NDE1: variants seen among roughly 807,000 people sequenced by gnomAD.
NDE1 encodes nudE neurodevelopment protein 1, also known as nuclear distribution protein nudE homolog 1.
In NDE1, 28 loss-of-function variants were observed where a neutral mutation model predicts 43.4. The observed-to-expected ratio is 0.65, with a 90% CI of 0.48 to 0.89. The LOEUF (loss-of-function observed/expected upper bound fraction) is 0.89. Among genes scored for constraint, NDE1 ranks in the 40% least tolerant of loss-of-function variants. NDE1 has a pLI of 0.00. For missense variants in NDE1, 441 were observed against 434.1 expected (o/e 1.02, Z -0.14); for synonymous variants, 184 against 172.0 (o/e 1.07, Z -0.55).
intron 8 of NDE1, chr16:15,718,798 A>AG: frequency 2.4e-6 from 1 of 425,208 alleles, no homozygotes; most frequent in Non-Finnish European, 4.4e-6. Flanking sequence ...GTCTGTCCCC[A>AG]ATCTCAGAGG....
At position 15,657,988 on chromosome 16, in the gene NDE1, A is replaced by G. The variant is rs548902319; in HGVS notation, c.-43-6748A>G. ...CCTGCGTGGCAGAAATCTAACCCCA[A>G]CTGGTATAACCAAGACAAGGAATTG... On this transcript the variant is annotated intron_variant, in intron 1 of 8. Transcript: ENST00000396354. 1.1e-4 allele frequency among the ~76,000 whole-genome samples: 16 copies of G among 152,302 alleles called. 1 individual carries two copies. In the South Asian group the frequency reaches 3.3e-3, roughly 32 times the overall value.
At chr16:15,680,813 C>G (rs1336130666) in intron 4 of NDE1, among the ~76,000 whole-genome samples, 1 of 152,156 alleles carries the variant, frequency 6.6e-6, no homozygotes, top group Non-Finnish European at 1.5e-5. Flanking sequence ...GCTGGAATTA[C>G]AGGCATGAAC....
chr16:15,675,220 G>A (rs1192756470), intron 3 of NDE1, among the ~76,000 whole-genome samples: 2 of 151,510 alleles, frequency 1.3e-5, no homozygotes, highest in African/African-American at 4.8e-5. Context: ...ACCACTGCCA[G>A]AGAGTTTTGC....
intron 8 of NDE1, chr16:15,719,533 G>T (rs2040353150): frequency 6.2e-7 from 1 of 1,611,872 alleles, no homozygotes; most frequent in South Asian, 1.1e-5. Flanking sequence ...CTGCCAAGGG[G>T]TGCTACCGTG....
chr16:15,697,147 A>T, intron 8 of NDE1: 6 of 809,636 alleles, frequency 7.4e-6, no homozygotes, highest in Non-Finnish European at 9.0e-6. Context: ...AGCTCAAACG[A>T]TCCTCCCACC....
At position 15,708,827 on chromosome 16, in the gene NDE1, T is replaced by C. The variant is rs761957202; in HGVS notation, c.947+11967T>C. 8.7e-6 allele frequency: 14 copies of C among 1,610,028 alleles called. No homozygotes were observed. Among genetic ancestry groups the C allele is most frequent in the Non-Finnish European group, 1.1e-5 (13 of 1,178,560 alleles). On this transcript the variant is annotated intron_variant, in intron 8 of 8. Transcript: ENST00000396354. ...CCTGGTGCATCACTGCGAAGTTTCC[T>C]GTGGGGGGGGCCCTCTGAAACAGAG...
chr16:15,677,246 G>A lies in NDE1; in HGVS notation c.238-555G>A, dbSNP rs565666611. 6.4e-3 allele frequency among the ~76,000 whole-genome samples: 968 copies of A among 152,160 alleles called. 5 individuals are homozygous for A. Among genetic ancestry groups the A allele is most frequent in the Middle Eastern group, 0.02 (6 of 294 alleles). On this transcript the variant is annotated intron_variant, in intron 3 of 8. Coordinates refer to ENST00000396354, the MANE Select transcript of NDE1 (RefSeq NM_017668.3). ...GGTGGGAGGGTGGGACAGAAAGCCT[G>A]GAGCCCCACCCAGGGAGTGTGGTGG...
At chr16:15,703,597 T>TG (rs1382738022) in intron 8 of NDE1, 5 of 381,976 alleles carry the variant, frequency 1.3e-5, no homozygotes, top group Non-Finnish European at 2.5e-5. Context: ...GGGGTGGTGG[T>TG]GGTGGTGGTG....
intron 8 of NDE1, chr16:15,699,955 C>T: frequency 5.8e-6 from 7 of 1,211,678 alleles, no homozygotes; most frequent in Non-Finnish European, 7.4e-6. Flanking sequence ...AGCTTTGCGG[C>T]CCAAGCCAAT....
chr16:15,666,406 T>C (rs568649031), intron 2 of NDE1, among the ~76,000 whole-genome samples: 3 of 151,964 alleles, frequency 2.0e-5, no homozygotes, highest in Non-Finnish European at 4.4e-5. Context: ...GCTCAGGAGT[T>C]TGAGACCAGC....
intron 1 of NDE1, among the ~76,000 whole-genome samples, chr16:15,645,003 T>G (rs537760906): frequency 6.7e-6 from 1 of 148,842 alleles, no homozygotes; most frequent in African/African-American, 2.5e-5. Context: ...CACTGCAGCC[T>G]CCACCTCCCG....
At chr16:15,665,536 T>G (rs1202582864) in intron 2 of NDE1, among the ~76,000 whole-genome samples, 1 of 151,670 alleles carries the variant, frequency 6.6e-6, no homozygotes, top group Non-Finnish European at 1.5e-5. Flanking sequence ...CCTCCACCTC[T>G]GGGTTGAAGC....
At chr16:15,660,891 T>G (rs1012552172) in intron 1 of NDE1, among the ~76,000 whole-genome samples, 1 of 152,164 alleles carries the variant, frequency 6.6e-6, no homozygotes, top group African/African-American at 2.4e-5. Flanking sequence ...CGGTTACCAT[T>G]TCTTAAACTG....
chr16:15,718,783 C>T, intron 8 of NDE1: 1 of 438,292 alleles, frequency 2.3e-6, no homozygotes, highest in Non-Finnish European at 4.2e-6. Flanking sequence ...ACCTAACCAC[C>T]ATGGGTCTGT....
chr16:15,686,938 C>G (rs2038467462), intron 4 of NDE1: 1 of 976,174 alleles, frequency 1.0e-6, no homozygotes, highest in Admixed American at 6.2e-5. Flanking sequence ...CTCAGGTCTT[C>G]CACCTGCCTC....
intron 8 of NDE1, among the ~76,000 whole-genome samples, chr16:15,698,727 C>T (rs928159634): frequency 3.3e-5 from 5 of 151,750 alleles, no homozygotes; most frequent in African/African-American, 7.3e-5. Flanking sequence ...CGGGCATGGT[C>T]GCGGATGCCT....
chr16:15,691,019 G>C (rs1411909094), intron 5 of NDE1, 125 bp from the exon 6 acceptor site: 7 of 1,081,550 alleles, frequency 6.5e-6, no homozygotes, highest in Non-Finnish European at 9.8e-6. Flanking sequence ...TGTTGGTCAG[G>C]CTGGTCTCGA....
chr16:15,712,781 G>C (rs183003350), intron 8 of NDE1: 1 of 143,686 alleles, frequency 7.0e-6, no homozygotes, highest in Admixed American at 7.0e-5. Context: ...GTCACGTGCT[G>C]CTGCCCTGTC....
chr16:15,666,158 T>C (rs8050364), intron 2 of NDE1, among the ~76,000 whole-genome samples: 11,475 of 152,128 alleles, frequency 0.075, 1,060 homozygotes, highest in African/African-American at 0.22. Context: ...TAGCAAAATA[T>C]ATTGCTAAAG....
Sources: gnomAD v4.1 joint callset for allele counts (sites outside exome capture counted in the v4.1 genomes callset) on GRCh38, gnomAD v4.1.1 for gene constraint, MANE v1.5 for transcripts, NCBI Gene and HGNC (gene_info 2026-07-23, HGNC 2026-07-21) for gene names.